Variants in IGDCC3 observed in about 807,000 individuals in gnomAD.
IGDCC3 encodes the protein immunoglobulin superfamily DCC subclass member 3.
Under a neutral mutation model 72.0 loss-of-function variants are expected in IGDCC3, and 47 were observed. The observed-to-expected ratio is 0.65, with a 90% confidence interval of 0.52 to 0.83. The LOEUF (loss-of-function observed/expected upper bound fraction) is 0.83. Among genes scored for constraint, IGDCC3 ranks in the 40% least tolerant of loss-of-function variants. IGDCC3 has a pLI of 0.00. For synonymous variants in IGDCC3, 477 were observed against 472.8 expected (o/e 1.01, Z -0.11); for missense variants, 1,038 against 1,091.3 (o/e 0.95, Z 0.69).
rs927478260 is a variant in IGDCC3 at position 65,328,078 on chromosome 15, C to G, written c.*831G>C. On this transcript the variant is annotated 3_prime_UTR_variant, in exon 14 of 14. Coordinates refer to ENST00000327987, the MANE Select transcript of IGDCC3 (RefSeq NM_004884.4). ...CATTTTTTCTCTGCCCAATCCATTT[C>G]TATTTCTGTAGGCCACAAGAGTTCC... The G allele has an allele frequency of 1.3e-5, 2 of 152,638 alleles. No individual in the cohort carries two copies. Among genetic ancestry groups the G allele is most frequent in the African/African-American group, 4.8e-5 (2 of 41,434 alleles). The allele number at this position is 152,638 out of a possible 1,614,324, so 9.5% of individuals were successfully genotyped here.
intron 6 of IGDCC3, 127 bp from the exon 7 acceptor site, chr15:65,332,233 C>A (rs2141033034): frequency 8.9e-7 from 1 of 1,118,570 alleles, no homozygotes; most frequent in Middle Eastern, 3.0e-4. Context: ...ACACATCTGC[C>A]CCCTGGAGAC....
intron 2 of IGDCC3, among the ~76,000 whole-genome samples, chr15:65,342,539 T>C (rs967772875): frequency 2.6e-5 from 4 of 152,230 alleles, no homozygotes; most frequent in African/African-American, 9.6e-5. Flanking sequence ...CAGAGAAGTC[T>C]ATCGGATAGT....
chr15:65,342,384 C>T (rs1019548680), intron 2 of IGDCC3, among the ~76,000 whole-genome samples: 2 of 148,258 alleles, frequency 1.3e-5, no homozygotes, highest in African/African-American at 5.0e-5. Flanking sequence ...GAAACTCCGT[C>T]TCAAAAAAAA....
At chr15:65,362,655 C>CT (rs2091268722) in intron 2 of IGDCC3, among the ~76,000 whole-genome samples, 1 of 150,694 alleles carries the variant, frequency 6.6e-6, no homozygotes, top group African/African-American at 2.5e-5. Flanking sequence ...CAGGGCCGTG[C>CT]CCCCTCCCAT....
At chr15:65,371,584 A>G (rs2091326025) in intron 2 of IGDCC3, among the ~76,000 whole-genome samples, 1 of 152,176 alleles carries the variant, frequency 6.6e-6, no homozygotes, top group African/African-American at 2.4e-5. Context: ...CAAAATCTCA[A>G]TGTTATCAAG....
At chr15:65,360,929 C>A (rs949950791) in intron 2 of IGDCC3, among the ~76,000 whole-genome samples, 1 of 152,288 alleles carries the variant, frequency 6.6e-6, no homozygotes, top group Admixed American at 6.5e-5. Context: ...GCACACACCA[C>A]CATGCCTGGC....
Position 65,333,283 on chromosome 15 carries a change from G to A in IGDCC3, c.956C>T (p.Thr319Met), listed in dbSNP as rs560181953. 1.7e-5 allele frequency: 28 copies of A among 1,611,872 alleles called. No individual in the cohort carries two copies. The highest frequency in any genetic ancestry group is 3.3e-5 in the South Asian group (3 of 90,824). Residue 319 changes from threonine (T) to methionine (M), a missense_variant, in exon 6 of 14, where the codon ACG (threonine) becomes ATG (methionine). Thr to Met is a moderately conservative substitution (Grantham distance 81, BLOSUM62 -1). Transcript: ENST00000327987. ...ANRPGTRVRR[T>M]AQGRLVVQAP... ...TTGCACCACCAGCCGGCCCTGTGCC[G>A]TTCTCCTCACCCGGGTGCCAGGTCT... is the stretch of plus-strand genomic sequence containing the variant.
chr15:65,369,517 C>T (rs1378398490), intron 2 of IGDCC3, among the ~76,000 whole-genome samples: 1 of 152,084 alleles, frequency 6.6e-6, no homozygotes, highest in East Asian at 1.9e-4. Context: ...CAGGTGAGGC[C>T]CTGACATGAG....
rs544858580 is a variant in IGDCC3 at position 65,336,803 on chromosome 15, G to A, written c.410-847C>T. On this transcript the variant is annotated intron_variant, in intron 2 of 13. Transcript: ENST00000327987. ...TGGTTAAGTGTTTCTGCCCACCCCC[G>A]TTTCCACCCATGCCCAAACCCCACC... 3.3e-5 allele frequency among the ~76,000 whole-genome samples: 5 copies of A among 151,928 alleles called. No individual in the cohort carries two copies. The South Asian group carries it at 6.2e-4, about 19-fold the overall frequency.
In IGDCC3 at chr15:65,331,210, T is replaced by C. The variant is rs2090974921; in HGVS notation, c.1401A>G (p.Pro467=). 6.2e-7 allele frequency: 1 copy of C among 1,613,502 alleles called. No individual in the cohort carries two copies. The highest frequency in any genetic ancestry group is 8.5e-7 in the Non-Finnish European group (1 of 1,179,820). The stretch of plus-strand genomic sequence containing the variant: ...CTGCCTCCTGATACTCCAGCTCCGG[T>C]GGGTCTGGAGAGGCACAGGGTGGGC... ...YVLHIRKAAD[P]PELEYQEAVS... The change falls in exon 9 of 14, where the codon CCA becomes CCG. Residue 467 remains proline, a synonymous_variant. Transcript: ENST00000327987.
chr15:65,370,616 A>G (rs1022689219), intron 2 of IGDCC3, among the ~76,000 whole-genome samples: 27 of 108,080 alleles, frequency 2.5e-4, no homozygotes, highest in East Asian at 3.2e-4. Flanking sequence ...ATATATATGT[A>G]TGTGTATATA....
chr15:65,333,127 G>T, intron 6 of IGDCC3, 130 bp downstream of exon 6: 2 of 873,414 alleles, frequency 2.3e-6, no homozygotes, highest in Admixed American at 2.9e-5. Context: ...CCTGGGGGCC[G>T]GTGAGGGGCG....
In IGDCC3 at chr15:65,377,145, G is replaced by A. The variant is rs2091363627; in HGVS notation, c.103+541C>T. Among the ~76,000 whole-genome samples the A allele has an allele frequency of 6.6e-6, 1 of 152,018 alleles. No individual in the cohort carries two copies. Among genetic ancestry groups the A allele is most frequent in the Non-Finnish European group, 1.5e-5 (1 of 67,976 alleles). ...CTCCCTAGCCACGCGCCGCCCTCCAGGAATCTCCCTCGTCTTCTCCTGTCT... is the reference window on the plus strand; with the variant it reads ...CTCCCTAGCCACGCGCCGCCCTCCAAGAATCTCCCTCGTCTTCTCCTGTCT... On this transcript the variant is annotated intron_variant, in intron 1 of 13. Transcript: ENST00000327987. The surrounding 1 kb of genome is among the most constrained non-coding windows in gnomAD (Gnocchi z 4.9).
intron 2 of IGDCC3, among the ~76,000 whole-genome samples, chr15:65,367,182 A>G (rs958018092): frequency 6.6e-6 from 1 of 152,074 alleles, no homozygotes; most frequent in Non-Finnish European, 1.5e-5. Context: ...CGTCTCTACT[A>G]AAAATACAAA....
At position 65,332,024 on chromosome 15, in the gene IGDCC3, AC is replaced by A. The variant is rs1567060747; in HGVS notation, c.1064del (p.Gly355ValfsTer10). 1 of 1,614,128 alleles carries A rather than the reference AC, an allele frequency of 6.2e-7. No homozygotes were observed. On this transcript the variant is annotated frameshift_variant, in exon 7 of 14. Coordinates refer to ENST00000327987, the MANE Select transcript of IGDCC3 (RefSeq NM_004884.4). LOFTEE classifies it high-confidence loss of function. ...GCCACGTGACATGAGGCGGTGGCTCACCCTGGGCTTGGCAGGTGAACATGGC... is the reference window on the plus strand; with the variant it reads ...GCCACGTGACATGAGGCGGTGGCTCACCTGGGCTTGGCAGGTGAACATGGC... ...TTAMFTCQAQ[G>X]EPPPHVTWLK...
At chr15:65,372,023 C>T (rs1424562999) in intron 2 of IGDCC3, among the ~76,000 whole-genome samples, 4 of 152,188 alleles carry the variant, frequency 2.6e-5, no homozygotes, top group Admixed American at 6.5e-5. Flanking sequence ...TGAATCCCAG[C>T]GAGGGAGAAA....
chr15:65,368,659 G>C (rs1395785621), intron 2 of IGDCC3, among the ~76,000 whole-genome samples: 1 of 152,192 alleles, frequency 6.6e-6, no homozygotes, highest in Non-Finnish European at 1.5e-5. Flanking sequence ...CCCCTGCATG[G>C]AGGGGGTACC....
intron 2 of IGDCC3, among the ~76,000 whole-genome samples, chr15:65,336,296 C>T (rs1382696321): frequency 6.6e-6 from 1 of 151,464 alleles, no homozygotes; most frequent in African/African-American, 2.4e-5. Flanking sequence ...GAAGGCCAAT[C>T]AGACAAAGCC....
Position 65,354,694 on chromosome 15 carries a change from T to C in IGDCC3, c.410-18738A>G, listed in dbSNP as rs1210956151. ...GTTCCCTGAATGCTGACTTAAACGG[T>C]CATATGTTCTTGGGGATCACTCCTC... On this transcript the variant is annotated intron_variant, in intron 2 of 13. Coordinates refer to ENST00000327987, the MANE Select transcript of IGDCC3 (RefSeq NM_004884.4). 2.0e-5 allele frequency among the ~76,000 whole-genome samples: 3 copies of C among 152,136 alleles called. No individual in the cohort carries two copies. The East Asian group carries it at 5.8e-4, about 29-fold the overall frequency.
Sources: allele counts gnomAD v4.1 joint callset (sites outside exome capture counted in the v4.1 genomes callset), GRCh38; gene constraint gnomAD v4.1.1; non-coding constraint Gnocchi (gnomAD v3.1); transcripts MANE v1.5; gene names NCBI Gene and HGNC (gene_info 2026-07-23, HGNC 2026-07-21).